NLK: variants seen among roughly 807,000 people sequenced by gnomAD.
NLK encodes nemo like kinase, also known as serine/threonine-protein kinase NLK.
In NLK, 11 loss-of-function variants were observed where a neutral mutation model predicts 59.0. That is an observed-to-expected ratio of 0.19 (90% CI 0.12 to 0.31). The LOEUF (loss-of-function observed/expected upper bound fraction) is 0.31. Ranked by LOEUF, NLK falls within the 10% of genes least tolerant of loss-of-function variation. The probability of loss-of-function intolerance (pLI) is 1.00; values close to 1 mark genes in which losing one functional copy is unlikely to be tolerated. For missense variants in NLK, 410 were observed against 661.1 expected, an observed-to-expected ratio of 0.62 and a Z score of 4.16; for synonymous variants, 235 against 235.9, an observed-to-expected ratio of 1.00 and a Z score of 0.03.
intron 1 of NLK, among the ~76,000 whole-genome samples, chr17:28,099,996 T>G (rs1306489428): frequency 6.6e-6 from 1 of 152,272 alleles, no homozygotes; most frequent in Non-Finnish European, 1.5e-5. Context: ...TTTATTTGTG[T>G]GTTCATCACT....
chr17:28,174,392 A>AGGG (rs1908592165), intron 7 of NLK, among the ~76,000 whole-genome samples: 1 of 151,954 alleles, frequency 6.6e-6, no homozygotes, highest in Non-Finnish European at 1.5e-5. Context: ...GATGACCTTA[A>AGGG]GGGAGCACTG....
chr17:28,123,349 C>A (rs1906155123), intron 2 of NLK, among the ~76,000 whole-genome samples: 1 of 151,998 alleles, frequency 6.6e-6, no homozygotes, highest in Non-Finnish European at 1.5e-5. Context: ...TAATAGAAAC[C>A]ACAACCAAGG....
At chr17:28,084,107 C>T (rs1910435227) in intron 1 of NLK, among the ~76,000 whole-genome samples, 1 of 152,194 alleles carries the variant, frequency 6.6e-6, no homozygotes, top group Admixed American at 6.5e-5. Context: ...ACGCTGGACT[C>T]AGAGGTAGCA....
chr17:28,158,210 C>T (rs1184760361), intron 3 of NLK, among the ~76,000 whole-genome samples: 2 of 152,130 alleles, frequency 1.3e-5, no homozygotes, highest in African/African-American at 4.8e-5. Flanking sequence ...TACAACTGTA[C>T]AACATGTTAC....
At chr17:28,197,972 T>C (rs929971858), downstream of NLK, among the ~76,000 whole-genome samples, 8 of 152,048 alleles carry the variant, frequency 5.3e-5, no homozygotes, top group African/African-American at 7.3e-5. Flanking sequence ...CCAAGAATGG[T>C]GAACAAAGAA....
At chr17:28,164,111 T>A (rs1472545845) in intron 5 of NLK, among the ~76,000 whole-genome samples, 1 of 152,210 alleles carries the variant, frequency 6.6e-6, no homozygotes, top group African/African-American at 2.4e-5. Context: ...GGCTCATGCC[T>A]GTAATTCCAG....
intron 7 of NLK, among the ~76,000 whole-genome samples, chr17:28,175,147 A>G (rs930335740): frequency 6.6e-6 from 1 of 152,038 alleles, no homozygotes; most frequent in African/African-American, 2.4e-5. Flanking sequence ...GACTGTAGTG[A>G]TTAAGAGTGT....
chr17:28,118,982 T>C (rs1249726955), intron 1 of NLK, among the ~76,000 whole-genome samples: 1 of 152,188 alleles, frequency 6.6e-6, no homozygotes, highest in Non-Finnish European at 1.5e-5. Context: ...GTAACTGCCC[T>C]AGAATTGTAG....
At chr17:28,129,240 G>A (rs2142019278) in intron 2 of NLK, among the ~76,000 whole-genome samples, 1 of 152,274 alleles carries the variant, frequency 6.6e-6, no homozygotes, top group South Asian at 2.1e-4. Context: ...GGATCACGAG[G>A]TCAGGAGTTC....
chr17:28,081,319 G>C (rs188556382), intron 1 of NLK, among the ~76,000 whole-genome samples: 63 of 151,906 alleles, frequency 4.1e-4, no homozygotes, highest in Admixed American at 2.9e-3. Flanking sequence ...CTGAGTAACT[G>C]GGACTACAGG....
At chr17:28,120,910 T>C (rs1906016956) in intron 1 of NLK, among the ~76,000 whole-genome samples, 1 of 152,186 alleles carries the variant, frequency 6.6e-6, no homozygotes, top group South Asian at 2.1e-4. Flanking sequence ...TCCTGAGTGA[T>C]TGTAGTTCAT....
In NLK at chr17:28,188,715, AC is replaced by A. The variant is rs1477365361; in HGVS notation, c.1237-2304del. Among the ~76,000 whole-genome samples the A allele has an allele frequency of 3.9e-5, 6 of 152,236 alleles. No homozygotes were observed. In the South Asian group the frequency reaches 1.2e-3, roughly 32 times the overall value. Reference sequence around the variant, plus strand: ...AAAGCTGGTCTCGAACTCCTGACCCACCTTGGCCTCCCAAAGTGCTGGGATT... The same window carrying A: ...AAAGCTGGTCTCGAACTCCTGACCCACTTGGCCTCCCAAAGTGCTGGGATT... On this transcript the variant is annotated intron_variant, in intron 8 of 10. Transcript: ENST00000407008.
intron 3 of NLK, among the ~76,000 whole-genome samples, chr17:28,133,001 T>C (rs1199733309): frequency 6.6e-6 from 1 of 152,216 alleles, no homozygotes; most frequent in Non-Finnish European, 1.5e-5. Context: ...AGGAAAGTGC[T>C]TTTACCACTA....
intron 3 of NLK, among the ~76,000 whole-genome samples, chr17:28,153,253 A>G (rs1265500525): frequency 6.6e-6 from 1 of 151,848 alleles, no homozygotes; most frequent in Admixed American, 6.6e-5. Flanking sequence ...CAGGCTGTGC[A>G]ACAAGAGCGA....
At chr17:28,193,536 C>T (rs1057405530) in intron 10 of NLK, among the ~76,000 whole-genome samples, 2 of 152,176 alleles carry the variant, frequency 1.3e-5, no homozygotes, top group African/African-American at 4.8e-5. Context: ...TTGACAAAAG[C>T]TAACATTAAG....
intron 1 of NLK, among the ~76,000 whole-genome samples, chr17:28,084,618 C>T (rs994537285): frequency 8.6e-5 from 13 of 151,772 alleles, no homozygotes; most frequent in Non-Finnish European, 5.9e-5. Flanking sequence ...GGCTGGAGTG[C>T]GGTGGCGCAA....
intron 1 of NLK, among the ~76,000 whole-genome samples, chr17:28,079,516 C>T (rs1910272260): frequency 6.6e-6 from 1 of 152,120 alleles, no homozygotes; most frequent in African/African-American, 2.4e-5. Context: ...ACATTTTTGC[C>T]AGCACATGTT....
chr17:28,091,504 T>C (rs1052808555), intron 1 of NLK, among the ~76,000 whole-genome samples: 2 of 151,378 alleles, frequency 1.3e-5, no homozygotes, highest in Non-Finnish European at 2.9e-5. Context: ...CACACACATA[T>C]ATAAAATCAT....
In NLK at chr17:28,097,238, T is replaced by C. The variant is rs188808500; in HGVS notation, c.459-25365T>C. On this transcript the variant is annotated intron_variant, in intron 1 of 10. Transcript: ENST00000407008. ...GTTCAAATAACAAAATACTTACTTT[T>C]TGATTATAGAAATTTTTAAATTATA... is the stretch of plus-strand genomic sequence containing the variant. Among the ~76,000 whole-genome samples, 117 of 152,304 alleles carry C rather than the reference T, an allele frequency of 7.7e-4. No homozygotes were observed. The East Asian group carries it at 0.013, about 17-fold the overall frequency.
Sources: gnomAD v4.1 joint callset for allele counts (sites outside exome capture counted in the v4.1 genomes callset) on GRCh38, gnomAD v4.1.1 for gene constraint, MANE v1.5 for transcripts, NCBI Gene and HGNC (gene_info 2026-07-23, HGNC 2026-07-21) for gene names.